The following SH3RF3 variants were observed in gnomAD, a reference collection of about 807,000 sequenced individuals.
SH3RF3 encodes E3 ubiquitin-protein ligase SH3RF3.
In SH3RF3, 29 loss-of-function variants were observed where a neutral mutation model predicts 66.3. The observed-to-expected ratio is 0.44, with a 90% CI of 0.33 to 0.60. SH3RF3 has a LOEUF of 0.60. Ranked by LOEUF, SH3RF3 falls within the 20% of genes least tolerant of loss-of-function variation. The pLI is 0.04. For synonymous variants in SH3RF3, 583 were observed against 532.0 expected (o/e 1.10, Z -1.32); for missense variants, 1,194 against 1,190.9 (o/e 1.00, Z -0.04).
At chr2:109,398,041 G>A (rs114031332) in intron 3 of SH3RF3, among the ~76,000 whole-genome samples, 3,127 of 152,244 alleles carry the variant, frequency 0.021, 105 homozygotes, top group African/African-American at 0.072. Context: ...GAGTGGAGGC[G>A]GTTACTGAAA....
intron 7 of SH3RF3, 93 bp downstream of exon 7, chr2:109,437,239 G>C: frequency 6.8e-7 from 1 of 1,462,138 alleles, no homozygotes; most frequent in Non-Finnish European, 9.1e-7. Context: ...GGCTCCAGCA[G>C]TGCATGTGTG....
chr2:109,139,484 G>A (rs1355992163), intron 1 of SH3RF3, among the ~76,000 whole-genome samples: 5 of 152,194 alleles, frequency 3.3e-5, no homozygotes, highest in African/African-American at 1.2e-4. Flanking sequence ...CATCCCCCTT[G>A]TGCCTTCTGT....
intron 1 of SH3RF3, among the ~76,000 whole-genome samples, chr2:109,295,151 G>A (rs556076687): frequency 2.0e-5 from 3 of 152,212 alleles, no homozygotes; most frequent in African/African-American, 7.2e-5. Flanking sequence ...GAGCACCCAC[G>A]CCTGGCCTGC....
intron 1 of SH3RF3, among the ~76,000 whole-genome samples, chr2:109,240,467 G>A (rs1032592300): frequency 2.0e-5 from 3 of 152,090 alleles, no homozygotes; most frequent in Non-Finnish European, 4.4e-5. Flanking sequence ...CAGCCTGGGC[G>A]ACAAACAAAA....
At chr2:109,315,223 G>A (rs550814523) in intron 1 of SH3RF3, among the ~76,000 whole-genome samples, 2 of 152,326 alleles carry the variant, frequency 1.3e-5, no homozygotes, top group South Asian at 4.1e-4. Context: ...CCTCTGAGTG[G>A]AGAGGGCTAT....
At chr2:109,381,860 G>A (rs1384498407) in intron 3 of SH3RF3, among the ~76,000 whole-genome samples, 1 of 152,098 alleles carries the variant, frequency 6.6e-6, no homozygotes, top group Non-Finnish European at 1.5e-5. Context: ...GGGGAAAGCT[G>A]TGCATGTTTA....
chr2:109,481,543 C>T lies in SH3RF3; in HGVS notation c.2149-9062C>T, dbSNP rs199903727. Reference sequence around the variant, plus strand: ...GGAAGTTTCCAGAAGGCTGTAGATGCGTAGCTGGCTGTCCAGTCCCATTGC... The same window carrying T: ...GGAAGTTTCCAGAAGGCTGTAGATGTGTAGCTGGCTGTCCAGTCCCATTGC... On this transcript the variant is annotated intron_variant, in intron 8 of 9. Transcript: ENST00000309415. Among the ~76,000 whole-genome samples the T allele has an allele frequency of 1.6e-4, 25 of 152,194 alleles. No homozygotes were observed. In the East Asian group the frequency reaches 3.5e-3, roughly 21 times the overall value.
chr2:109,196,800 C>T (rs1407743543), intron 1 of SH3RF3, among the ~76,000 whole-genome samples: 3 of 152,196 alleles, frequency 2.0e-5, no homozygotes, highest in Non-Finnish European at 4.4e-5. Flanking sequence ...CAATAGCATA[C>T]GGTCTGACTG....
chr2:109,223,932 G>T lies in SH3RF3; in HGVS notation c.573+93819G>T, dbSNP rs577601641. On this transcript the variant is annotated intron_variant, in intron 1 of 9. Coordinates refer to ENST00000309415, the MANE Select transcript of SH3RF3 (RefSeq NM_001099289.3). Reference sequence around the variant, plus strand: ...GGATCAGATCACTTGAGCCTGGGGGGTGTGGGTTGCAGTGAGCCATGATTG... The same window carrying T: ...GGATCAGATCACTTGAGCCTGGGGGTTGTGGGTTGCAGTGAGCCATGATTG... Among the ~76,000 whole-genome samples the T allele has an allele frequency of 2.6e-5, 4 of 152,368 alleles. No individual in the cohort carries two copies. The East Asian group carries it at 5.8e-4, about 22-fold the overall frequency.
chr2:109,439,514 G>C (rs1171321336), intron 7 of SH3RF3, among the ~76,000 whole-genome samples: 1 of 152,188 alleles, frequency 6.6e-6, no homozygotes, highest in Non-Finnish European at 1.5e-5. Flanking sequence ...CGATGGGTGG[G>C]AGGCATTTCA....
At chr2:109,403,686 G>C (rs1676375264) in intron 4 of SH3RF3, among the ~76,000 whole-genome samples, 1 of 152,332 alleles carries the variant, frequency 6.6e-6, no homozygotes, top group South Asian at 2.1e-4. Context: ...TGGGGTGGAG[G>C]TGCAGGCTCC....
intron 7 of SH3RF3, among the ~76,000 whole-genome samples, chr2:109,445,322 CAGAA>C (rs1393123520): frequency 2.0e-5 from 3 of 152,194 alleles, no homozygotes; most frequent in East Asian, 3.8e-4. Context: ...AGTCCTCACA[CAGAA>C]AGCACAAAGA....
At chr2:109,193,473 A>G (rs1207086456) in intron 1 of SH3RF3, among the ~76,000 whole-genome samples, 2 of 152,142 alleles carry the variant, frequency 1.3e-5, no homozygotes, top group African/African-American at 4.8e-5. Flanking sequence ...GGGTCTCCCT[A>G]TTCTGGGCTT....
intron 1 of SH3RF3, among the ~76,000 whole-genome samples, chr2:109,164,597 C>T (rs1309503318): frequency 6.6e-6 from 1 of 152,184 alleles, no homozygotes; most frequent in Non-Finnish European, 1.5e-5. Context: ...AGAACTCAGC[C>T]AGGCAGCAAT....
intron 1 of SH3RF3, among the ~76,000 whole-genome samples, chr2:109,162,396 T>A (rs990089542): frequency 2.0e-4 from 30 of 152,288 alleles, no homozygotes; most frequent in African/African-American, 3.4e-4. Flanking sequence ...CAACCTTTTT[T>A]AAATTTATTT....
intron 3 of SH3RF3, among the ~76,000 whole-genome samples, chr2:109,373,616 C>T (rs1683321918): frequency 6.6e-6 from 1 of 152,044 alleles, no homozygotes; most frequent in African/African-American, 2.4e-5. Flanking sequence ...TCTGTTGTGA[C>T]AGAAGTCAGA....
intron 8 of SH3RF3, among the ~76,000 whole-genome samples, chr2:109,458,044 A>T (rs1007800697): frequency 7.9e-5 from 12 of 152,312 alleles, no homozygotes; most frequent in African/African-American, 2.4e-4. Context: ...TCAGGCACTC[A>T]GGCCATGTGG....
In SH3RF3 at chr2:109,268,744, A is replaced by T. The variant is rs574557192; in HGVS notation, c.574-78930A>T. ...ATAAGTTATTTAATACTTTATTATAAAAAAAAAAAGGCTTTGAGTCTGATG... is the reference window on the plus strand; with the variant it reads ...ATAAGTTATTTAATACTTTATTATATAAAAAAAAAGGCTTTGAGTCTGATG... On this transcript the variant is annotated intron_variant, in intron 1 of 9. Transcript: ENST00000309415. 2.1e-3 allele frequency among the ~76,000 whole-genome samples: 152 copies of T among 71,302 alleles called. 1 individual carries two copies. Among genetic ancestry groups the T allele is most frequent in the African/African-American group, 7.9e-3 (132 of 16,604 alleles). The allele number at this position is 71,302 out of a possible 152,430, so 46.8% of individuals were successfully genotyped here. A position where few individuals can be genotyped will look rare whatever the true frequency, so the allele number is the denominator to read the frequency against.
intron 5 of SH3RF3, among the ~76,000 whole-genome samples, chr2:109,424,161 G>A (rs1676968492): frequency 6.6e-6 from 1 of 152,208 alleles, no homozygotes. Flanking sequence ...CCTGCGCTGT[G>A]GCTGAAGGGA....
Sources: gnomAD v4.1 joint callset for allele counts (sites outside exome capture counted in the v4.1 genomes callset) on GRCh38, gnomAD v4.1.1 for gene constraint, MANE v1.5 for transcripts, NCBI Gene and HGNC (gene_info 2026-07-23, HGNC 2026-07-21) for gene names.